CREB5: variants seen among roughly 807,000 people sequenced by gnomAD.
The protein encoded by CREB5 is cAMP responsive element binding protein 5, also known as cyclic AMP-responsive element-binding protein 5.
A neutral mutation model predicts 57.1 loss-of-function variants in CREB5; 19 were observed. That is an observed-to-expected ratio of 0.33 (90% confidence interval 0.23 to 0.49). CREB5 has a LOEUF of 0.49. Among genes scored for constraint, CREB5 ranks in the 20% least tolerant of loss-of-function variants. CREB5 has a pLI of 0.99. For missense variants in CREB5, 579 were observed against 671.6 expected (o/e 0.86, Z 1.52); for synonymous variants, 238 against 238.3 (o/e 1.00, Z 0.01).
intron 1 of CREB5, among the ~76,000 whole-genome samples, chr7:28,388,968 T>C (rs1787160778): frequency 6.6e-6 from 1 of 152,244 alleles, no homozygotes; most frequent in Non-Finnish European, 1.5e-5. Flanking sequence ...GTAGAAAATT[T>C]AGTTGTAACT....
chr7:28,809,131 T>C, intron 8 of CREB5, 56 bp from the exon 9 acceptor site: 2 of 1,508,316 alleles, frequency 1.3e-6, no homozygotes, highest in Non-Finnish European at 1.8e-6. Context: ...GTTTCTTCCC[T>C]TACCTAACCA....
At chr7:28,384,540 A>G (rs1358096991) in intron 1 of CREB5, among the ~76,000 whole-genome samples, 1 of 152,086 alleles carries the variant, frequency 6.6e-6, no homozygotes, top group Non-Finnish European at 1.5e-5. Context: ...AAAACAAATC[A>G]TTTCATTTTA....
intron 4 of CREB5, among the ~76,000 whole-genome samples, chr7:28,526,910 T>C (rs544450830): frequency 1.3e-5 from 2 of 152,346 alleles, no homozygotes; most frequent in East Asian, 3.9e-4. Context: ...CCTGTACTCA[T>C]GGTATCTAAT....
chr7:28,816,697 A>G (rs957915929), intron 9 of CREB5, among the ~76,000 whole-genome samples: 7 of 152,258 alleles, frequency 4.6e-5, no homozygotes, highest in Non-Finnish European at 8.8e-5. Flanking sequence ...CGCAACTTCT[A>G]GAATCCCAAA....
intron 4 of CREB5, among the ~76,000 whole-genome samples, chr7:28,516,423 C>G (rs1792957806): frequency 6.6e-6 from 1 of 152,164 alleles, no homozygotes; most frequent in Non-Finnish European, 1.5e-5. Context: ...TCAGTTAATC[C>G]TGGTGCTACA....
At chr7:28,300,955 C>A (rs1338395429) in intron 1 of CREB5, among the ~76,000 whole-genome samples, 2 of 152,068 alleles carry the variant, frequency 1.3e-5, no homozygotes, top group African/African-American at 4.8e-5. Context: ...GGTTTGGGGT[C>A]CACCAATCTG....
intron 7 of CREB5, among the ~76,000 whole-genome samples, chr7:28,725,929 C>T (rs182727713): frequency 5.9e-5 from 9 of 152,136 alleles, no homozygotes; most frequent in Admixed American, 2.0e-4. Context: ...GATTTTATGC[C>T]ACTGCTTGAC....
chr7:28,708,796 T>A (rs1304501790), intron 5 of CREB5, among the ~76,000 whole-genome samples: 1 of 152,178 alleles, frequency 6.6e-6, no homozygotes, highest in African/African-American at 2.4e-5. Context: ...GAGCTCAGAA[T>A]GGGGGTGGGG....
intron 4 of CREB5, among the ~76,000 whole-genome samples, chr7:28,559,308 TTTTG>T (rs939584048): frequency 2.0e-4 from 31 of 152,168 alleles, no homozygotes; most frequent in African/African-American, 5.3e-4. Context: ...CATATAGGTT[TTTTG>T]TTTGTTTGTT....
intron 1 of CREB5, among the ~76,000 whole-genome samples, chr7:28,321,332 A>G (rs1007205925): frequency 6.6e-6 from 1 of 151,918 alleles, no homozygotes; most frequent in Non-Finnish European, 1.5e-5. Context: ...CGAAATGGCC[A>G]GGGCTGGCTA....
chr7:28,409,004 C>G (rs910526126), upstream of CREB5, among the ~76,000 whole-genome samples: 3 of 152,118 alleles, frequency 2.0e-5, no homozygotes, highest in Admixed American at 2.0e-4. This position sits in a 1 kb window ranked among gnomAD's most constrained non-coding sequence, Gnocchi z 4.4. Flanking sequence ...AGGCCCTCCC[C>G]GCAGAAGAGC....
At chr7:28,552,944 C>A (rs965513676) in intron 4 of CREB5, among the ~76,000 whole-genome samples, 1 of 152,186 alleles carries the variant, frequency 6.6e-6, no homozygotes, top group Non-Finnish European at 1.5e-5. Context: ...GCAGATGTTT[C>A]CACTGATGAT....
At chr7:28,806,084 C>T (rs914061359) in intron 8 of CREB5, among the ~76,000 whole-genome samples, 1 of 151,680 alleles carries the variant, frequency 6.6e-6, no homozygotes, top group Non-Finnish European at 1.5e-5. Context: ...GAAACGAGAA[C>T]ATCAAGGTTT....
intron 4 of CREB5, among the ~76,000 whole-genome samples, chr7:28,526,240 T>C (rs565504616): frequency 8.5e-5 from 13 of 152,312 alleles, no homozygotes; most frequent in African/African-American, 2.4e-4. Context: ...ATTATATAAA[T>C]CAAAAGTCCA....
At chr7:28,398,815 G>A (rs539412819) in intron 1 of CREB5, among the ~76,000 whole-genome samples, 5 of 152,118 alleles carry the variant, frequency 3.3e-5, no homozygotes, top group South Asian at 2.1e-4. Context: ...AGGCTCAAGC[G>A]ATCCTCCCAC....
chr7:28,629,810 T>C (rs545360156), intron 5 of CREB5, among the ~76,000 whole-genome samples: 1 of 152,234 alleles, frequency 6.6e-6, no homozygotes, highest in Non-Finnish European at 1.5e-5. Flanking sequence ...GAAGGCTCTT[T>C]CCTGTATTGA....
rs1447289069 is a variant in CREB5, at chr7:28,823,246, A to G, written c.*3967A>G. 3.3e-5 allele frequency: 5 copies of G among 152,680 alleles called. No individual in the cohort carries two copies. The highest frequency in any genetic ancestry group is 7.3e-5 in the Non-Finnish European group (5 of 68,046). The allele number at this position is 152,680 out of a possible 1,614,324, so 9.5% of individuals were successfully genotyped here. Reference sequence around the variant, plus strand: ...GGTTAAAAAAAGGAAAAACCATCTAAGAAAATATATATGTATGTATGTGTG... The same window carrying G: ...GGTTAAAAAAAGGAAAAACCATCTAGGAAAATATATATGTATGTATGTGTG... On this transcript the variant is annotated 3_prime_UTR_variant, in exon 11 of 11. Transcript: ENST00000357727.
intron 5 of CREB5, among the ~76,000 whole-genome samples, chr7:28,644,337 T>A (rs1798807311): frequency 6.6e-6 from 1 of 152,114 alleles, no homozygotes; most frequent in Admixed American, 6.6e-5. Context: ...CTTTTGTCAT[T>A]GCCCTTCCCT....
intron 5 of CREB5, among the ~76,000 whole-genome samples, chr7:28,703,869 C>T (rs1316645387): frequency 6.6e-6 from 1 of 152,170 alleles, no homozygotes; most frequent in East Asian, 1.9e-4. Flanking sequence ...TCTGGGCAAC[C>T]CATGGCCCAG....
Sources: allele counts gnomAD v4.1 joint callset (sites outside exome capture counted in the v4.1 genomes callset), GRCh38; gene constraint gnomAD v4.1.1; non-coding constraint Gnocchi (gnomAD v3.1); transcripts MANE v1.5; gene names NCBI Gene and HGNC (gene_info 2026-07-23, HGNC 2026-07-21).